The following TET3 variants were observed in gnomAD, a reference collection of about 807,000 sequenced individuals.
The protein encoded by TET3 is methylcytosine dioxygenase TET3.
A neutral mutation model predicts 141.4 loss-of-function variants in TET3; 19 were observed. The ratio of observed to expected loss-of-function variants is 0.13; its 90% CI spans 0.09 to 0.20. The LOEUF (loss-of-function observed/expected upper bound fraction) is 0.20, where lower values mean the gene tolerates loss of function less well. TET3 is among the 10% of genes least tolerant of loss of function. The pLI is 1.00. For missense variants in TET3, 1,874 were observed against 2,356.9 expected, an observed-to-expected ratio of 0.80 and a Z score of 4.24; for synonymous variants, 1,043 against 980.9, an observed-to-expected ratio of 1.06 and a Z score of -1.18.
At chr2:74,108,249 C>T (rs1265285563), downstream of TET3, 1 of 153,770 alleles carries the variant, frequency 6.5e-6, no homozygotes, top group Non-Finnish European at 1.5e-5. Context: ...CCTGTAACCT[C>T]ACCCACCCAC....
At chr2:74,017,923 G>T in intron 3 of TET3, among the ~76,000 whole-genome samples, 1 of 148,534 alleles carries the variant, frequency 6.7e-6, no homozygotes, top group African/African-American at 2.5e-5. Context: ...TTTCTTAACA[G>T]CCTTTTTAAC....
intron 3 of TET3, among the ~76,000 whole-genome samples, chr2:74,012,100 A>G (rs996867687): frequency 6.6e-6 from 1 of 152,194 alleles, no homozygotes; most frequent in African/African-American, 2.4e-5. Context: ...AGCTAGGACT[A>G]CAGGCGCATG....
chr2:74,045,283 T>G (rs1687557404), intron 3 of TET3, among the ~76,000 whole-genome samples: 1 of 152,240 alleles, frequency 6.6e-6, no homozygotes, highest in Non-Finnish European at 1.5e-5. Flanking sequence ...GTTACTATTG[T>G]AATTATGTAA....
chr2:73,988,821 T>C (rs142662202), intron 2 of TET3, among the ~76,000 whole-genome samples: 43 of 152,278 alleles, frequency 2.8e-4, no homozygotes, highest in African/African-American at 9.9e-4. Context: ...GCAGTACTTT[T>C]TTTCTAAGGA....
chr2:74,005,080 C>T (rs891096772), intron 3 of TET3, among the ~76,000 whole-genome samples: 3 of 152,294 alleles, frequency 2.0e-5, no homozygotes, highest in Admixed American at 1.3e-4. Flanking sequence ...CACCCCCTTC[C>T]GCTGTAGTGA....
At chr2:74,035,560 C>T (rs796114116) in intron 3 of TET3, among the ~76,000 whole-genome samples, 10 of 151,236 alleles carry the variant, frequency 6.6e-5, no homozygotes, top group African/African-American at 2.4e-4. Context: ...AACCCTGTCT[C>T]TACTAAAAAT....
intron 10 of TET3, among the ~76,000 whole-genome samples, chr2:74,094,576 G>A (rs1690696581): frequency 6.6e-6 from 1 of 152,200 alleles, no homozygotes; most frequent in South Asian, 2.1e-4. Context: ...GCAGAGTGAG[G>A]TGAACGGGAG....
chr2:74,046,593 C>G lies in TET3; in HGVS notation c.676C>G (p.Arg226Gly). ...LSTRLYETFN[R>G]EMSREAGNNS... is the part of the protein sequence containing the mutation. ...CACCCGGCTCTATGAAACCTTCAAC[C>G]GTGAGATGAGTCGTGAGGCTGGGAA... The change falls in exon 4 of 12, where the codon CGT becomes GGT. Residue 226 changes from arginine (R) to glycine (G), a missense_variant. Around this residue, in one of 10 missense-constraint regions of TET3, gnomAD observed 366 missense variants for 487.0 expected, o/e 0.75. Coordinates refer to ENST00000409262, the MANE Select transcript of TET3 (RefSeq NM_001287491.2). The surrounding 1 kb of genome is among the most constrained non-coding windows in gnomAD (Gnocchi z 4.3). 2.5e-6 allele frequency: 4 copies of G among 1,614,064 alleles called. No individual in the cohort carries two copies. The highest frequency in any genetic ancestry group is 3.4e-6 in the Non-Finnish European group (4 of 1,179,896).
chr2:74,102,274 G>A lies in TET3; in HGVS notation c.*98G>A. 5 of 1,355,446 alleles carry A rather than the reference G, an allele frequency of 3.7e-6. No homozygotes were observed. Among genetic ancestry groups the A allele is most frequent in the Non-Finnish European group, 4.7e-6 (5 of 1,055,608 alleles). 84.0% of individuals were successfully genotyped at this position (1,355,446 alleles called of 1,614,324 possible). On this transcript the variant is annotated 3_prime_UTR_variant, in exon 12 of 12. Coordinates refer to ENST00000409262, the MANE Select transcript of TET3 (RefSeq NM_001287491.2). Reference sequence around the variant, plus strand: ...CTGGGGGCGGGTTGGGGGTGCAGAAGTCTTTTTATCTCTATATACATATAT... The same window carrying A: ...CTGGGGGCGGGTTGGGGGTGCAGAAATCTTTTTATCTCTATATACATATAT...
intron 4 of TET3, among the ~76,000 whole-genome samples, chr2:74,066,001 C>T (rs1204208368): frequency 2.6e-5 from 4 of 152,174 alleles, no homozygotes; most frequent in South Asian, 4.1e-4. Context: ...TCGTGATCCG[C>T]CTGCCTTGGC....
intron 3 of TET3, among the ~76,000 whole-genome samples, chr2:74,020,192 G>T (rs1236284913): frequency 6.6e-6 from 1 of 152,128 alleles, no homozygotes; most frequent in Admixed American, 6.5e-5. Flanking sequence ...GTTTGCATTT[G>T]TTTTTCCCTT....
Position 74,101,938 on chromosome 2 carries a change from C to A in TET3, c.5150C>A (p.Ala1717Glu). ...ALWEAKMKQL[A>E]ERARARQEEA... Reference sequence around the variant, plus strand: ...TGGGAAGCCAAGATGAAGCAGCTGGCGGAGAGGGCACGGGCACGGCAGGAG... The same window carrying A: ...TGGGAAGCCAAGATGAAGCAGCTGGAGGAGAGGGCACGGGCACGGCAGGAG... The change falls in exon 12 of 12, where the codon GCG (alanine) becomes GAG (glutamate). Residue 1717 changes from alanine to glutamate, a missense_variant. Ala to Glu is a moderately radical substitution (Grantham distance 107). This residue lies in a region of TET3 where 113 missense variants were observed against 114.3 expected (regional missense o/e 0.99). Transcript: ENST00000409262. The surrounding 1 kb of genome is among the most constrained non-coding windows in gnomAD (Gnocchi z 8.5). 6.2e-7 allele frequency: 1 copy of A among 1,613,062 alleles called. No individual in the cohort carries two copies. Among genetic ancestry groups the A allele is most frequent in the African/African-American group, 1.3e-5 (1 of 75,016 alleles).
At chr2:74,117,380 TTTA>T in the TET3 span, among the ~76,000 whole-genome samples, 3,035 of 151,912 alleles carry the variant, frequency 0.02, 110 homozygotes, top group African/African-American at 0.07. Flanking sequence ...CCCGGCCTAT[TTTA>T]TTATTTTTTA....
chr2:73,987,960 A>G (rs1424799716), intron 2 of TET3, among the ~76,000 whole-genome samples: 1 of 152,170 alleles, frequency 6.6e-6, no homozygotes, highest in Non-Finnish European at 1.5e-5. Flanking sequence ...GGACAGGGAC[A>G]TGGGGTTGCT....
intron 4 of TET3, among the ~76,000 whole-genome samples, chr2:74,065,956 A>G (rs968512209): frequency 1.3e-5 from 2 of 151,964 alleles, no homozygotes; most frequent in African/African-American, 4.8e-5. Context: ...ATGGGGTTTC[A>G]CTGTGGTAGC....
chr2:74,099,434 C>G lies in TET3; in HGVS notation c.3426C>G (p.Leu1142=), dbSNP rs1411782256. 7 of 1,613,852 alleles carry G rather than the reference C, an allele frequency of 4.3e-6. No individual in the cohort carries two copies. Among genetic ancestry groups the G allele is most frequent in the Non-Finnish European group, 5.9e-6 (7 of 1,179,882 alleles). Reference sequence around the variant, plus strand: ...TGGGCAGCGGAGCCATCCAGGTGCTCACCGCCTTCCCCCGCGAGGTCCGAC... The same window carrying G: ...TGGGCAGCGGAGCCATCCAGGTGCTGACCGCCTTCCCCCGCGAGGTCCGAC... ...AKVGSGAIQV[L]TAFPREVRRL... is the part of the protein sequence containing the mutation. Residue 1142 remains leucine, a synonymous_variant, in exon 11 of 12, where the codon CTC becomes CTG. Transcript: ENST00000409262.
intron 4 of TET3, among the ~76,000 whole-genome samples, chr2:74,059,276 G>A (rs969084102): frequency 4.0e-5 from 6 of 151,836 alleles, no homozygotes; most frequent in Non-Finnish European, 2.9e-5. Flanking sequence ...TTTTTGAGAC[G>A]GAGTCTCGCT....
At chr2:74,113,204 G>A in the TET3 span, among the ~76,000 whole-genome samples, 119 of 151,898 alleles carry the variant, frequency 7.8e-4, 1 homozygote, top group African/African-American at 2.8e-3. Context: ...GGCCAACATG[G>A]TGAAACCCTG....
intron 3 of TET3, among the ~76,000 whole-genome samples, chr2:74,016,406 A>G (rs1047351597): frequency 2.0e-5 from 3 of 152,130 alleles, no homozygotes; most frequent in Non-Finnish European, 2.9e-5. Flanking sequence ...TGATTCTTAC[A>G]TGCATTATGA....
Sources: gnomAD v4.1 joint callset for allele counts (sites outside exome capture counted in the v4.1 genomes callset) on GRCh38, gnomAD v4.1.1 for gene constraint, gnomAD v4.1.1 regional missense constraint, Gnocchi (gnomAD v3.1) non-coding constraint, MANE v1.5 for transcripts, NCBI Gene and HGNC (gene_info 2026-07-23, HGNC 2026-07-21) for gene names.